Variants in MIOS observed in about 807,000 individuals in gnomAD.
MIOS encodes the protein meiosis regulator for oocyte development.
In MIOS, 52 loss-of-function variants were observed where a neutral mutation model predicts 96.9. The observed-to-expected ratio is 0.54, with a 90% CI of 0.43 to 0.68. MIOS has a LOEUF of 0.68. MIOS is among the 30% of genes least tolerant of loss of function. MIOS has a pLI of 0.00. For missense variants in MIOS, 1,005 were observed against 1,052.8 expected (o/e 0.95, Z 0.63); for synonymous variants, 397 against 359.5 (o/e 1.10, Z -1.18).
intron 9 of MIOS, among the ~76,000 whole-genome samples, chr7:7,594,503 C>T (rs1784146818): frequency 6.6e-6 from 1 of 152,244 alleles, no homozygotes; most frequent in East Asian, 1.9e-4. Flanking sequence ...CCATGTTGGC[C>T]AGGCTGGTCT....
rs1784165215 is a variant in MIOS, at chr7:7,595,079, G to A, written c.2143G>A (p.Glu715Lys). ...DAWRFWHKRA[E>K]FDIHRSKLDP... ...CTGGAGGTTTTGGCATAAACGAGCT[G>A]AATTTGATATTCACAGGAGTAAGTT... The change falls in exon 10 of 13, where the codon GAA (glutamate) becomes AAA (lysine). Residue 715 changes from glutamate (E) to lysine (K), a missense_variant. This residue lies in a region of MIOS where 865 missense variants were observed against 887.9 expected (regional missense o/e 0.97). Transcript: ENST00000340080. 1 of 1,614,056 alleles carries A rather than the reference G, an allele frequency of 6.2e-7. No individual in the cohort carries two copies. The highest frequency in any genetic ancestry group is 8.5e-7 in the Non-Finnish European group (1 of 1,179,984).
intron 9 of MIOS, among the ~76,000 whole-genome samples, chr7:7,593,540 C>T (rs977055730): frequency 6.6e-6 from 1 of 152,040 alleles, no homozygotes; most frequent in Non-Finnish European, 1.5e-5. Context: ...GACTTTCTCT[C>T]CTTTCTCCAT....
In MIOS at chr7:7,573,966, G is replaced by C. The variant is rs184634685; in HGVS notation, c.1295-132G>C. ...TGTAGATTGTGTAGGAGGAAGAAAA[G>C]TGTATCTCTGCAATAGAGTCGAACC... On this transcript the variant is annotated intron_variant, in intron 4 of 12. Coordinates refer to ENST00000340080, the MANE Select transcript of MIOS (RefSeq NM_019005.4). The surrounding 1 kb of genome is among the most constrained non-coding windows in gnomAD (Gnocchi z 5.0). 7 of 882,578 alleles carry C rather than the reference G, an allele frequency of 7.9e-6. No homozygotes were observed. The East Asian group carries it at 1.1e-4, about 13-fold the overall frequency. The allele number at this position is 882,578 out of a possible 1,614,324, so 54.7% of individuals were successfully genotyped here.
intron 7 of MIOS, among the ~76,000 whole-genome samples, chr7:7,586,775 T>G (rs1279300430): frequency 6.6e-6 from 1 of 152,192 alleles, no homozygotes; most frequent in African/African-American, 2.4e-5. Context: ...TAGGACTTTA[T>G]TTTTTAACTG....
rs1180294459 is a variant in MIOS, at chr7:7,588,407, T to C, written c.1819-91T>C. 9.6e-6 allele frequency: 6 copies of C among 622,000 alleles called. No individual in the cohort carries two copies. The South Asian group carries it at 1.7e-4, about 18-fold the overall frequency. The allele number at this position is 622,000 out of a possible 1,614,324, so 38.5% of individuals were successfully genotyped here. On this transcript the variant is annotated intron_variant, in intron 7 of 12. Transcript: ENST00000340080. ...ATTAATAAATTTGGAAATAAACATA[T>C]TCATTTTATTTATATAAAACATTCA... is the stretch of plus-strand genomic sequence containing the variant.
intron 5 of MIOS, among the ~76,000 whole-genome samples, chr7:7,576,128 T>A (rs1783524074): frequency 6.6e-6 from 1 of 152,144 alleles, no homozygotes; most frequent in Admixed American, 6.6e-5. Context: ...TAACAAATAG[T>A]ATATATATAA....
chr7:7,573,535 GA>G lies in MIOS; in HGVS notation c.1063del (p.Arg355GlyfsTer12). The G allele has an allele frequency of 6.2e-7, 1 of 1,614,116 alleles. No individual in the cohort carries two copies. Among genetic ancestry groups the G allele is most frequent in the Non-Finnish European group, 8.5e-7 (1 of 1,179,954 alleles). ...AACAATGTCAGACTTCACTGTTTTT[GA>G]AAGGATATCTCTTGCCTGGAGCCCA... ...NRTMSDFTVF[E>X]RISLAWSPIT... On this transcript the variant is annotated frameshift_variant, in exon 4 of 13. Transcript: ENST00000340080. LOFTEE classifies it high-confidence loss of function. The surrounding 1 kb of genome is among the most constrained non-coding windows in gnomAD (Gnocchi z 5.0).
chr7:7,598,099 A>G (rs558235642), intron 11 of MIOS, among the ~76,000 whole-genome samples: 213 of 152,354 alleles, frequency 1.4e-3, no homozygotes, highest in South Asian at 4.1e-3. Context: ...CTCTTTACCT[A>G]ACTTGAAAAT....
In MIOS at chr7:7,573,746, A is replaced by C. The variant is rs771185846; in HGVS notation, c.1271A>C (p.Lys424Thr). 4.0e-5 allele frequency: 65 copies of C among 1,609,732 alleles called. No homozygotes were observed. Among genetic ancestry groups the C allele is most frequent in the Non-Finnish European group, 5.3e-5 (63 of 1,177,658 alleles). The change falls in exon 4 of 13, where the codon AAG (lysine) becomes ACG (threonine). Residue 424 changes from lysine (K) to threonine (T), a missense_variant. This residue lies in a region of MIOS where 865 missense variants were observed against 887.9 expected (regional missense o/e 0.97). Coordinates refer to ENST00000340080, the MANE Select transcript of MIOS (RefSeq NM_019005.4). This position sits in a 1 kb window ranked among gnomAD's most constrained non-coding sequence, Gnocchi z 5.0. The stretch of plus-strand genomic sequence containing the variant: ...GCTGGAAATGAAGATCCACAGCTCA[A>C]GTCACTCTGGTATACTCTGCACTAT... ...ILAGNEDPQL[K>T]SLWYTLHFMK...
At position 7,588,538 on chromosome 7, in the gene MIOS, C is replaced by T. The variant is rs753866325; in HGVS notation, c.1859C>T (p.Ala620Val). The T allele has an allele frequency of 6.3e-7, 1 of 1,592,304 alleles. No homozygotes were observed. ...KVAVRDRVAFACKFLSDTQLN... is the reference protein window; with the variant it reads ...KVAVRDRVAFVCKFLSDTQLN... ...GCAGTACGTGACAGAGTGGCATTTG[C>T]TTGTAAATTCCTTAGTGATACTCAG... Residue 620 changes from alanine (A) to valine (V), a missense_variant, in exon 8 of 13, where the codon GCT becomes GTT. Ala to Val is a moderately conservative substitution (Grantham distance 64, BLOSUM62 0). This residue lies in a region of MIOS where 865 missense variants were observed against 887.9 expected (regional missense o/e 0.97). Transcript: ENST00000340080.
intron 6 of MIOS, among the ~76,000 whole-genome samples, chr7:7,584,362 A>G (rs760616490): frequency 6.6e-6 from 1 of 152,144 alleles, no homozygotes; most frequent in Non-Finnish European, 1.5e-5. Flanking sequence ...AAAGGGTGAT[A>G]CTTTCCTATC....
chr7:7,575,230 G>C (rs2115361983), intron 5 of MIOS, among the ~76,000 whole-genome samples: 2 of 152,190 alleles, frequency 1.3e-5, no homozygotes, highest in Middle Eastern at 6.8e-3. Context: ...TACGGAGCTT[G>C]TATCAGTACC....
intron 9 of MIOS, among the ~76,000 whole-genome samples, chr7:7,592,760 A>G (rs1023808429): frequency 6.6e-6 from 1 of 152,172 alleles, no homozygotes; most frequent in Non-Finnish European, 1.5e-5. Context: ...GACAGGAGGC[A>G]GAGCTCAGGC....
intron 11 of MIOS, among the ~76,000 whole-genome samples, chr7:7,597,011 A>C (rs1461841066): frequency 1.3e-5 from 2 of 152,092 alleles, no homozygotes; most frequent in Non-Finnish European, 2.9e-5. Flanking sequence ...CCTGAGCAAA[A>C]TAGTGAGACC....
chr7:7,597,466 A>AT (rs1271784025), intron 11 of MIOS, among the ~76,000 whole-genome samples: 1 of 83,422 alleles, frequency 1.2e-5, no homozygotes, highest in Non-Finnish European at 2.3e-5. Context: ...TACCTAGTAA[A>AT]TTTATATATA....
Position 7,573,210 on chromosome 7 carries a change from A to C in MIOS, c.735A>C (p.Glu245Asp), listed in dbSNP as rs749078178. The change falls in exon 4 of 13, where the codon GAA (glutamate) becomes GAC (aspartate). Residue 245 changes from glutamate (E) to aspartate (D), a missense_variant. Transcript: ENST00000340080. The surrounding 1 kb of genome is among the most constrained non-coding windows in gnomAD (Gnocchi z 5.0). Reference sequence around the variant, plus strand: ...ACGATCGTGTTGCTTCCTTCTATGAAGGTCAGGTTGCAATATGGGATCTTA... The same window carrying C: ...ACGATCGTGTTGCTTCCTTCTATGACGGTCAGGTTGCAATATGGGATCTTA... ...YFHDRVASFYEGQVAIWDLRK... is the reference protein window; with the variant it reads ...YFHDRVASFYDGQVAIWDLRK... 2.6e-5 allele frequency: 42 copies of C among 1,614,016 alleles called. No homozygotes were observed. The highest frequency in any genetic ancestry group is 3.3e-5 in the Non-Finnish European group (39 of 1,179,980).
In MIOS at chr7:7,608,444, A is replaced by G. The variant is rs1784587239; in HGVS notation, c.*1352A>G. On this transcript the variant is annotated 3_prime_UTR_variant, in exon 13 of 13. Transcript: ENST00000340080. ...TAAAAGTAGATTAAATTTATTTTTT[A>G]CCTTGAGTGTCTGATACATAAAACC... 1 of 152,076 alleles carries G rather than the reference A, an allele frequency of 6.6e-6. No individual in the cohort carries two copies. The highest frequency in any genetic ancestry group is 2.4e-5 in the African/African-American group (1 of 41,452). The allele number at this position is 152,076 out of a possible 1,614,324, so 9.4% of individuals were successfully genotyped here.
In MIOS at chr7:7,585,686, G is replaced by A; in HGVS notation, c.1699G>A (p.Glu567Lys). 2 of 1,609,110 alleles carry A rather than the reference G, an allele frequency of 1.2e-6. No homozygotes were observed. Among genetic ancestry groups the A allele is most frequent in the South Asian group, 1.1e-5 (1 of 90,326 alleles). Reference protein sequence around the residue: ...VAMALSGYTDEKNSLWREMCS... With the variant: ...VAMALSGYTDKKNSLWREMCS... ...AATGGCTTTATCGGGTTATACGGATGAGAAGAACTCCCTTTGGAGAGAAAT... is the reference window on the plus strand; with the variant it reads ...AATGGCTTTATCGGGTTATACGGATAAGAAGAACTCCCTTTGGAGAGAAAT... Residue 567 changes from glutamate (E) to lysine (K), a missense_variant, in exon 7 of 13, where the codon GAG becomes AAG. Coordinates refer to ENST00000340080, the MANE Select transcript of MIOS (RefSeq NM_019005.4).
rs770567561 is a variant in MIOS, at chr7:7,588,478, G to C, written c.1819-20G>C. 3 of 1,542,200 alleles carry C rather than the reference G, an allele frequency of 1.9e-6. No individual in the cohort carries two copies. The East Asian group carries it at 7.0e-5, about 36-fold the overall frequency. On this transcript the variant is annotated intron_variant, in intron 7 of 12. Coordinates refer to ENST00000340080, the MANE Select transcript of MIOS (RefSeq NM_019005.4). Reference sequence around the variant, plus strand: ...CCAGTGCGCCTAGAAGTAACTCCTTGCTTTTTCTCTTCTTTCCAGTATGAA... The same window carrying C: ...CCAGTGCGCCTAGAAGTAACTCCTTCCTTTTTCTCTTCTTTCCAGTATGAA...
Sources: gnomAD v4.1 joint callset for allele counts (sites outside exome capture counted in the v4.1 genomes callset) on GRCh38, gnomAD v4.1.1 for gene constraint, gnomAD v4.1.1 regional missense constraint, Gnocchi (gnomAD v3.1) non-coding constraint, MANE v1.5 for transcripts, NCBI Gene and HGNC (gene_info 2026-07-23, HGNC 2026-07-21) for gene names.